The following GDAP1L1 variants were observed in gnomAD, a reference collection of about 807,000 sequenced individuals.
GDAP1L1 encodes the protein ganglioside-induced differentiation-associated protein 1-like 1.
Under a neutral mutation model 37.1 loss-of-function variants are expected in GDAP1L1, and 21 were observed. The observed-to-expected ratio is 0.57, with a 90% CI of 0.40 to 0.81. The LOEUF (loss-of-function observed/expected upper bound fraction) is 0.81. Among genes scored for constraint, GDAP1L1 ranks in the 40% least tolerant of loss-of-function variants. The pLI is 0.00. For missense variants in GDAP1L1, 362 were observed against 491.6 expected (o/e 0.74, Z 2.49); for synonymous variants, 193 against 209.1 (o/e 0.92, Z 0.67).
At chr20:44,257,366 A>G (rs780037587) in intron 2 of GDAP1L1, 21 bp downstream of exon 2, 2 of 1,604,026 alleles carry the variant, frequency 1.2e-6, no homozygotes. Context: ...CTCCCCACCC[A>G]GGGGCCCACT....
chr20:44,262,815 C>T (rs1600545468), intron 3 of GDAP1L1, among the ~76,000 whole-genome samples: 1 of 152,184 alleles, frequency 6.6e-6, no homozygotes, highest in Admixed American at 6.5e-5. Context: ...CTCCCAGGCT[C>T]AAGCGATCCC....
chr20:44,273,163 A>C (rs925314447), intron 5 of GDAP1L1, among the ~76,000 whole-genome samples: 3 of 152,192 alleles, frequency 2.0e-5, no homozygotes, highest in Non-Finnish European at 2.9e-5. Flanking sequence ...ATATTAGCTG[A>C]GGTTTCACTA....
intron 1 of GDAP1L1, among the ~76,000 whole-genome samples, chr20:44,252,271 G>C (rs2073459334): frequency 6.6e-6 from 1 of 152,212 alleles, no homozygotes. Flanking sequence ...CAGCACTGTG[G>C]GAGGCCAAGG....
intron 5 of GDAP1L1, among the ~76,000 whole-genome samples, chr20:44,270,448 G>A (rs1221172982): frequency 6.6e-6 from 1 of 152,164 alleles, no homozygotes; most frequent in African/African-American, 2.4e-5. Flanking sequence ...GGGATTACAG[G>A]CGTGAGCCAC....
chr20:44,276,448 G>GA (rs1244133739), intron 5 of GDAP1L1, among the ~76,000 whole-genome samples: 6 of 142,218 alleles, frequency 4.2e-5, no homozygotes, highest in African/African-American at 1.5e-4. Flanking sequence ...AAGAAAGAAA[G>GA]AAAGAAAGAA....
intron 1 of GDAP1L1, among the ~76,000 whole-genome samples, chr20:44,250,965 C>T (rs2073430343): frequency 6.6e-6 from 1 of 152,070 alleles, no homozygotes; most frequent in Non-Finnish European, 1.5e-5. Flanking sequence ...GTGCCTCCCT[C>T]CTCCTTCACC....
chr20:44,272,108 T>C (rs916287983), intron 5 of GDAP1L1, among the ~76,000 whole-genome samples: 1 of 152,156 alleles, frequency 6.6e-6, no homozygotes, highest in African/African-American at 2.4e-5. Flanking sequence ...CCAGAGGGCA[T>C]GAGCCCCGGG....
chr20:44,267,324 G>GTTCT (rs2062463749), intron 5 of GDAP1L1, among the ~76,000 whole-genome samples: 1 of 152,132 alleles, frequency 6.6e-6, no homozygotes, highest in Non-Finnish European at 1.5e-5. Flanking sequence ...ATAAAAGGGT[G>GTTCT]ATAGGTTGGG....
intron 1 of GDAP1L1, 120 bp from the exon 2 acceptor site, chr20:44,257,033 G>A (rs921642712): frequency 7.5e-6 from 8 of 1,060,182 alleles, no homozygotes; most frequent in Non-Finnish European, 9.3e-6. Context: ...TGGGCTGAAA[G>A]CAATCGTGTC....
At chr20:44,276,434 AAG>A (rs1491050745) in intron 5 of GDAP1L1, among the ~76,000 whole-genome samples, 40 of 144,964 alleles carry the variant, frequency 2.8e-4, no homozygotes, top group African/African-American at 9.1e-4. Flanking sequence ...GAAAGAAAGA[AAG>A]AAAGAAAGAA....
intron 5 of GDAP1L1, among the ~76,000 whole-genome samples, chr20:44,273,488 C>T (rs1025485451): frequency 1.3e-5 from 2 of 152,178 alleles, no homozygotes; most frequent in Non-Finnish European, 2.9e-5. Flanking sequence ...CACCTCCCTC[C>T]GTACCTAGTG....
chr20:44,270,826 G>A (rs1404140240), intron 5 of GDAP1L1, among the ~76,000 whole-genome samples: 1 of 152,196 alleles, frequency 6.6e-6, no homozygotes, highest in Non-Finnish European at 1.5e-5. Flanking sequence ...AAGCCACAAT[G>A]TCTTTTATGA....
At chr20:44,257,095 T>C in intron 1 of GDAP1L1, 58 bp from the exon 2 acceptor site, 1 of 1,485,728 alleles carries the variant, frequency 6.7e-7, no homozygotes, top group East Asian at 2.5e-5. Flanking sequence ...CCGCCCCACC[T>C]GGGCAGAGTG....
chr20:44,265,368 C>T (rs1157853766), intron 5 of GDAP1L1: 1 of 985,280 alleles, frequency 1.0e-6, no homozygotes, highest in African/African-American at 1.7e-5. Flanking sequence ...CTTCAAATCT[C>T]ATTCTGAGCT....
chr20:44,254,390 GC>G (rs2073500691), intron 1 of GDAP1L1, among the ~76,000 whole-genome samples: 1 of 152,072 alleles, frequency 6.6e-6, no homozygotes, highest in Non-Finnish European at 1.5e-5. Flanking sequence ...AACAGATGCT[GC>G]CCCCAGGCTG....
chr20:44,279,346 G>A lies in GDAP1L1; in HGVS notation c.*46G>A. On this transcript the variant is annotated 3_prime_UTR_variant, in exon 6 of 6. Transcript: ENST00000342560. ...GTCTGACTGTCGGTGTCTCTGTGCT[G>A]TGTGATTCCCCGTGAGCTCTCAGTA... 2 of 1,255,994 alleles carry A rather than the reference G, an allele frequency of 1.6e-6. No individual in the cohort carries two copies. The highest frequency in any genetic ancestry group is 2.3e-5 in the East Asian group (1 of 43,202). The allele number at this position is 1,255,994 out of a possible 1,614,324, so 77.8% of individuals were successfully genotyped here. A position where few individuals can be genotyped will look rare whatever the true frequency, so the allele number is the denominator to read the frequency against.
rs542380255 is a variant in GDAP1L1 at position 44,270,201 on chromosome 20, C to T, written c.760+5642C>T. On this transcript the variant is annotated intron_variant, in intron 5 of 5. Coordinates refer to ENST00000342560, the MANE Select transcript of GDAP1L1 (RefSeq NM_024034.6). ...TTTTTTTTTTTTTGAGACGGAGTCT[C>T]GCTCTGTCGCCCAGGCTGGAGTGCA... Among the ~76,000 whole-genome samples, 677 of 125,442 alleles carry T rather than the reference C, an allele frequency of 5.4e-3. 6 individuals carry two copies. Among genetic ancestry groups the T allele is most frequent in the African/African-American group, 0.019 (622 of 32,668 alleles). The allele number at this position is 125,442 out of a possible 152,430, so 82.3% of individuals were successfully genotyped here.
chr20:44,257,331 G>A lies in GDAP1L1; in HGVS notation c.359G>A (p.Arg120His), dbSNP rs758637664. 12 of 1,613,176 alleles carry A rather than the reference G, an allele frequency of 7.4e-6. No individual in the cohort carries two copies. Among genetic ancestry groups the A allele is most frequent in the South Asian group, 2.2e-5 (2 of 90,964 alleles). ...DYDQIIDYVE[R>H]TFTGEHVVAL... is the part of the protein sequence containing the mutation. ...GACCAGATCATTGACTATGTGGAGC[G>A]CACCTTCACAGGAGGTACGGCTGCC... The change falls in exon 2 of 6, where the codon CGC (arginine) becomes CAC (histidine). Residue 120 changes from arginine (R) to histidine (H), a missense_variant. Physicochemically the swap from Arg to His is conservative, Grantham distance 29 (BLOSUM62 0). Around this residue, in one of 2 missense-constraint regions of GDAP1L1, gnomAD observed 277 missense variants for 337.1 expected, o/e 0.82. Transcript: ENST00000342560.
intron 3 of GDAP1L1, among the ~76,000 whole-genome samples, chr20:44,260,738 TG>T (rs1252024606): frequency 6.6e-5 from 10 of 152,034 alleles, no homozygotes; most frequent in African/African-American, 2.4e-4. Context: ...GTATTGTTTT[TG>T]GGGAATGGAG....
Sources: allele counts gnomAD v4.1 joint callset (sites outside exome capture counted in the v4.1 genomes callset), GRCh38; gene constraint gnomAD v4.1.1; regional missense constraint gnomAD v4.1.1; transcripts MANE v1.5; gene names NCBI Gene and HGNC (gene_info 2026-07-23, HGNC 2026-07-21).